Variants in RBFOX1 observed in about 807,000 individuals in gnomAD.
The protein encoded by RBFOX1 is RNA binding protein fox-1 homolog 1.
In RBFOX1, 8 loss-of-function variants were observed where a neutral mutation model predicts 57.7. That is an observed-to-expected ratio of 0.14 (90% CI 0.08 to 0.25). The LOEUF is 0.25. Ranked by LOEUF, RBFOX1 falls within the 10% of genes least tolerant of loss-of-function variation. The pLI is 1.00. For synonymous variants in RBFOX1, 326 were observed against 222.4 expected, an observed-to-expected ratio of 1.47 and a Z score of -4.15; for missense variants, 611 against 548.5, an observed-to-expected ratio of 1.11 and a Z score of -1.14.
intron 4 of RBFOX1, among the ~76,000 whole-genome samples, chr16:5,908,543 C>A (rs34291200): frequency 6.6e-6 from 1 of 151,408 alleles, no homozygotes; most frequent in South Asian, 2.1e-4. Flanking sequence ...AGTAGAGAAG[C>A]GTTTTCACCA....
chr16:6,564,500 A>T (rs956855377), intron 2 of RBFOX1, among the ~76,000 whole-genome samples: 22 of 152,126 alleles, frequency 1.4e-4, no homozygotes, highest in African/African-American at 5.1e-4. Flanking sequence ...AAACAAACAC[A>T]TGGGTAAACC....
intron 2 of RBFOX1, among the ~76,000 whole-genome samples, chr16:5,490,006 G>T (rs895434941): frequency 6.6e-6 from 1 of 152,232 alleles, no homozygotes; most frequent in Non-Finnish European, 1.5e-5. Context: ...CTGTCTTGGT[G>T]CTGCCTGCAG....
At chr16:6,422,999 T>C (rs2093818374) in intron 2 of RBFOX1, among the ~76,000 whole-genome samples, 1 of 152,246 alleles carries the variant, frequency 6.6e-6, no homozygotes, top group African/African-American at 2.4e-5. Flanking sequence ...ATTTTCTTTT[T>C]TATGGCTGCA....
At chr16:6,193,362 A>ATATATATACAT (rs2097154698) in intron 1 of RBFOX1, among the ~76,000 whole-genome samples, 1 of 101,332 alleles carries the variant, frequency 9.9e-6, no homozygotes, top group East Asian at 3.0e-4. Flanking sequence ...TACATTATAT[A>ATATATATACAT]TATATATATA....
At chr16:5,612,469 T>G (rs973095153) in intron 3 of RBFOX1, among the ~76,000 whole-genome samples, 21 of 152,354 alleles carry the variant, frequency 1.4e-4, no homozygotes, top group Middle Eastern at 3.4e-3. Context: ...AGACAGAGAT[T>G]GAGCAGATAC....
At chr16:6,651,126 A>T (rs901866588) in intron 2 of RBFOX1, among the ~76,000 whole-genome samples, 2 of 151,944 alleles carry the variant, frequency 1.3e-5, no homozygotes, top group African/African-American at 4.8e-5. Context: ...GATCTCAAAC[A>T]CCTGACCTCA....
intron 3 of RBFOX1, among the ~76,000 whole-genome samples, chr16:6,821,241 T>C (rs1300093240): frequency 6.6e-6 from 1 of 152,188 alleles, no homozygotes; most frequent in African/African-American, 2.4e-5. Flanking sequence ...GTTTTAAATA[T>C]GGTGTCTCTT....
At chr16:7,399,855 T>G (rs979513142) in intron 4 of RBFOX1, among the ~76,000 whole-genome samples, 1 of 152,242 alleles carries the variant, frequency 6.6e-6, no homozygotes, top group Non-Finnish European at 1.5e-5. Context: ...TCTACTGCCA[T>G]TTTATTGTGA....
At chr16:5,729,267 G>A (rs1443874059) in intron 3 of RBFOX1, among the ~76,000 whole-genome samples, 1 of 152,062 alleles carries the variant, frequency 6.6e-6, no homozygotes, top group Non-Finnish European at 1.5e-5. Context: ...TAGAGGTTAA[G>A]TTCTAAATCA....
At chr16:7,513,522 G>C (rs770151051) in intron 4 of RBFOX1, among the ~76,000 whole-genome samples, 7 of 152,260 alleles carry the variant, frequency 4.6e-5, no homozygotes, top group Non-Finnish European at 8.8e-5. Flanking sequence ...TTTGGGGCGG[G>C]ACAGTCTTTT....
intron 4 of RBFOX1, among the ~76,000 whole-genome samples, chr16:6,002,081 C>A (rs577044274): frequency 2.0e-5 from 3 of 151,506 alleles, no homozygotes; most frequent in East Asian, 2.0e-4. Flanking sequence ...AAGCGATTGT[C>A]CCTCTTCAGC....
intron 3 of RBFOX1, among the ~76,000 whole-genome samples, chr16:6,711,380 C>G (rs1218998144): frequency 1.3e-5 from 2 of 152,162 alleles, no homozygotes; most frequent in East Asian, 3.9e-4. Flanking sequence ...CATCTGGTAT[C>G]TTGTCCTATC....
intron 2 of RBFOX1, among the ~76,000 whole-genome samples, chr16:5,538,379 A>T (rs375083383): frequency 6.6e-6 from 1 of 152,104 alleles, no homozygotes; most frequent in South Asian, 2.1e-4. Context: ...GGAATGTGGC[A>T]TTGCCATGGG....
chr16:6,741,174 TAATA>T (rs2071969230), intron 3 of RBFOX1, among the ~76,000 whole-genome samples: 1 of 152,040 alleles, frequency 6.6e-6, no homozygotes, highest in African/African-American at 2.4e-5. Flanking sequence ...ATAGGCAAAA[TAATA>T]ATAATAAATA....
chr16:6,858,503 C>T (rs1196340376), intron 3 of RBFOX1, among the ~76,000 whole-genome samples: 1 of 152,106 alleles, frequency 6.6e-6, no homozygotes, highest in Non-Finnish European at 1.5e-5. Flanking sequence ...GAACATACTC[C>T]TTGAAGCTGC....
intron 1 of RBFOX1, among the ~76,000 whole-genome samples, chr16:6,256,820 C>G (rs1051289033): frequency 6.6e-6 from 1 of 152,054 alleles, no homozygotes; most frequent in Non-Finnish European, 1.5e-5. Context: ...GGTTGAGAAA[C>G]TCTCATTTAG....
At chr16:6,375,900 A>T (rs935981160) in intron 2 of RBFOX1, among the ~76,000 whole-genome samples, 1 of 152,060 alleles carries the variant, frequency 6.6e-6, no homozygotes, top group African/African-American at 2.4e-5. Context: ...ATTATCCTAC[A>T]CATGTCTTTC....
At chr16:7,396,107 G>A (rs1243363896) in intron 4 of RBFOX1, among the ~76,000 whole-genome samples, 1 of 152,090 alleles carries the variant, frequency 6.6e-6, no homozygotes, top group East Asian at 1.9e-4. Context: ...TGTCAGGGGA[G>A]GGGATTGAGG....
At chr16:6,712,433 T>A (rs536860108) in intron 3 of RBFOX1, among the ~76,000 whole-genome samples, 1 of 152,230 alleles carries the variant, frequency 6.6e-6, no homozygotes, top group African/African-American at 2.4e-5. Flanking sequence ...TTTCAGAGTT[T>A]TACTGTGTAC....
Sources: gnomAD v4.1 joint callset for allele counts (sites outside exome capture counted in the v4.1 genomes callset) on GRCh38, gnomAD v4.1.1 for gene constraint, MANE v1.5 for transcripts, NCBI Gene and HGNC (gene_info 2026-07-23, HGNC 2026-07-21) for gene names.